The following REV3L variants were observed in gnomAD, a reference collection of about 807,000 sequenced individuals.
REV3L encodes DNA polymerase zeta catalytic subunit.
REV3L carries 69 observed loss-of-function variants against 299.4 expected under a neutral mutation model. That is an observed-to-expected ratio of 0.23 (90% confidence interval 0.19 to 0.28). The LOEUF (loss-of-function observed/expected upper bound fraction) is 0.28, where lower values mean the gene tolerates loss of function less well. REV3L is among the 10% of genes least tolerant of loss of function. The pLI is 1.00. For missense variants in REV3L, 3,128 were observed against 3,693.8 expected, an observed-to-expected ratio of 0.85 and a Z score of 3.97; for synonymous variants, 1,238 against 1,271.4, an observed-to-expected ratio of 0.97 and a Z score of 0.56.
intron 7 of REV3L, 36 bp downstream of exon 7, chr6:111,389,070 T>G: frequency 6.9e-7 from 1 of 1,455,660 alleles, no homozygotes; most frequent in Non-Finnish European, 9.6e-7. Flanking sequence ...AAATACTTGA[T>G]TTAAAAGAAT....
At chr6:111,435,745 T>C (rs147728759) in intron 1 of REV3L, among the ~76,000 whole-genome samples, 194 of 152,322 alleles carry the variant, frequency 1.3e-3, no homozygotes, top group African/African-American at 4.4e-3. Flanking sequence ...CTCCAGGACA[T>C]TGGTCTGTGC....
At chr6:111,389,361 A>G (rs1781670658) in intron 6 of REV3L, 151 bp from the exon 7 acceptor site, 1 of 617,322 alleles carries the variant, frequency 1.6e-6, no homozygotes, top group African/African-American at 1.9e-5. Flanking sequence ...TACACTTACT[A>G]TGTTACTCCT....
intron 4 of REV3L, among the ~76,000 whole-genome samples, chr6:111,394,845 G>C (rs1782323772): frequency 6.6e-6 from 1 of 151,638 alleles, no homozygotes; most frequent in Non-Finnish European, 1.5e-5. Context: ...TGGGGCAACA[G>C]GCATGCACCA....
Position 111,376,337 on chromosome 6 carries a change from ACTTGT to A in REV3L, c.2013_2017del (p.Arg671SerfsTer4). The A allele has an allele frequency of 6.2e-7, 1 of 1,613,068 alleles. No individual in the cohort carries two copies. The highest frequency in any genetic ancestry group is 8.5e-7 in the Non-Finnish European group (1 of 1,179,624). ...AATGTTTGTATATTTTCTACTTGGT[ACTTGT>A]CTTGTAACAGATGGAATATCTTCTT... is the stretch of plus-strand genomic sequence containing the variant. On this transcript the variant is annotated frameshift_variant, in exon 13 of 32. Transcript: ENST00000368802. LOFTEE classifies it high-confidence loss of function.
chr6:111,326,410 T>C lies in REV3L; in HGVS notation c.8241+3122A>G, dbSNP rs539347625. 3.9e-5 allele frequency among the ~76,000 whole-genome samples: 6 copies of C among 152,100 alleles called. No homozygotes were observed. In the South Asian group the frequency reaches 1.2e-3, roughly 32 times the overall value. On this transcript the variant is annotated intron_variant, in intron 25 of 31. Coordinates refer to ENST00000368802, the MANE Select transcript of REV3L (RefSeq NM_001372078.1). ...TGCAAATCAAAATTATAATGAGATA[T>C]CTTCTCACCCCAGCTAAAATGGCTT...
At chr6:111,390,265 T>C (rs1781784635) in intron 5 of REV3L, 85 bp from the exon 6 acceptor site, 1 of 825,420 alleles carries the variant, frequency 1.2e-6, no homozygotes, top group African/African-American at 1.7e-5. Context: ...TTATCTTACA[T>C]TTAGCTTGTA....
At chr6:111,462,889 C>T (rs757070385) in intron 1 of REV3L, among the ~76,000 whole-genome samples, 16 of 151,908 alleles carry the variant, frequency 1.1e-4, no homozygotes, top group Non-Finnish European at 2.2e-4. Flanking sequence ...AACTAGACAC[C>T]GAGACTCACA....
Position 111,374,114 on chromosome 6 carries a change from G to C in REV3L, c.4241C>G (p.Ala1414Gly), listed in dbSNP as rs1780063704. The change falls in exon 13 of 32, where the codon GCA becomes GGA. Residue 1414 changes from alanine to glycine, a missense_variant. Coordinates refer to ENST00000368802, the MANE Select transcript of REV3L (RefSeq NM_001372078.1). Reference protein sequence around the residue: ...RNSLESKLDQAYTPNFLHCKD... With the variant: ...RNSLESKLDQGYTPNFLHCKD... Reference sequence around the variant, plus strand: ...GCAATGCAAAAAATTAGGGGTATATGCTTGGTCCAGCTTTGATTCTAGGGA... The same window carrying C: ...GCAATGCAAAAAATTAGGGGTATATCCTTGGTCCAGCTTTGATTCTAGGGA... 2.5e-6 allele frequency: 4 copies of C among 1,614,100 alleles called. No homozygotes were observed. The highest frequency in any genetic ancestry group is 2.7e-5 in the African/African-American group (2 of 75,028).
intron 21 of REV3L, 115 bp downstream of exon 21, chr6:111,343,810 G>C: frequency 1.5e-6 from 1 of 676,814 alleles, no homozygotes; most frequent in Non-Finnish European, 2.3e-6. Flanking sequence ...GATTACAGGC[G>C]TAAGCCACCG....
At chr6:111,448,473 C>T (rs776801506) in intron 1 of REV3L, among the ~76,000 whole-genome samples, 12 of 151,820 alleles carry the variant, frequency 7.9e-5, no homozygotes, top group Non-Finnish European at 1.6e-4. Flanking sequence ...TAGCTGGGAC[C>T]ACAGGCACCG....
At chr6:111,394,096 G>C (rs1582825930) in intron 4 of REV3L, among the ~76,000 whole-genome samples, 1 of 152,112 alleles carries the variant, frequency 6.6e-6, no homozygotes, top group South Asian at 2.1e-4. Context: ...TAAACATGGG[G>C]GTGTAGGTTA....
chr6:111,431,946 C>T (rs1159525929), intron 1 of REV3L, among the ~76,000 whole-genome samples: 3 of 151,606 alleles, frequency 2.0e-5, no homozygotes, highest in Non-Finnish European at 2.9e-5. Flanking sequence ...GGTAATAAAG[C>T]GGGACCTGAG....
chr6:111,409,941 T>C (rs1014890935), intron 3 of REV3L, among the ~76,000 whole-genome samples: 5 of 152,226 alleles, frequency 3.3e-5, no homozygotes, highest in African/African-American at 1.2e-4. Flanking sequence ...CAGCTTGTTG[T>C]AAGTTCCCTG....
intron 2 of REV3L, among the ~76,000 whole-genome samples, chr6:111,414,334 G>A (rs1784548511): frequency 6.6e-6 from 1 of 152,032 alleles, no homozygotes. Flanking sequence ...AAAGAACTTA[G>A]GTGAGAAACA....
At chr6:111,351,435 G>A (rs1393083567) in intron 19 of REV3L, among the ~76,000 whole-genome samples, 1 of 152,094 alleles carries the variant, frequency 6.6e-6, no homozygotes, top group African/African-American at 2.4e-5. Context: ...ATATGTATAT[G>A]AAAAGTGACT....
intron 21 of REV3L, among the ~76,000 whole-genome samples, chr6:111,343,292 T>C (rs1189498995): frequency 6.6e-6 from 1 of 152,204 alleles, no homozygotes; most frequent in African/African-American, 2.4e-5. Flanking sequence ...TCTGAGTTTC[T>C]TCAAAGCCAA....
chr6:111,410,162 A>C (rs887440650), intron 3 of REV3L, among the ~76,000 whole-genome samples: 13 of 152,214 alleles, frequency 8.5e-5, no homozygotes, highest in Non-Finnish European at 1.9e-4. Context: ...CTATGACTGC[A>C]CCATTGCGTA....
chr6:111,412,781 AC>A (rs1016981177), intron 2 of REV3L, among the ~76,000 whole-genome samples: 1 of 149,918 alleles, frequency 6.7e-6, no homozygotes, highest in African/African-American at 2.5e-5. Context: ...AAAAAAAAAA[AC>A]AACTATTTAC....
chr6:111,453,842 T>A lies in REV3L; in HGVS notation c.139+28908A>T, dbSNP rs148623546. ...CTACTAAAAATACAAAAAAATTAGC[T>A]GGGCGTGGTGGCGCATGCCTGTGGT... On this transcript the variant is annotated intron_variant, in intron 1 of 31. Transcript: ENST00000368802. 5.5e-3 allele frequency among the ~76,000 whole-genome samples: 840 copies of A among 151,978 alleles called. 8 individuals carry two copies. The highest frequency in any genetic ancestry group is 0.019 in the African/African-American group (769 of 41,442).
Sources: gnomAD v4.1 joint callset for allele counts (sites outside exome capture counted in the v4.1 genomes callset) on GRCh38, gnomAD v4.1.1 for gene constraint, MANE v1.5 for transcripts, NCBI Gene and HGNC (gene_info 2026-07-23, HGNC 2026-07-21) for gene names.